The following SDHA variants were observed in gnomAD, a reference collection of about 807,000 sequenced individuals.
The protein encoded by SDHA is succinate dehydrogenase complex flavoprotein subunit A.
Under a neutral mutation model 78.4 loss-of-function variants are expected in SDHA, and 48 were observed. The ratio of observed to expected loss-of-function variants is 0.61; its 90% CI spans 0.49 to 0.78. The LOEUF (loss-of-function observed/expected upper bound fraction) is 0.78, where lower values mean the gene tolerates loss of function less well. Ranked by LOEUF, SDHA falls within the 30% of genes least tolerant of loss-of-function variation. The pLI, the probability that SDHA is intolerant of heterozygous loss-of-function variation, is 0.00. For missense variants in SDHA, 680 were observed against 892.7 expected, an observed-to-expected ratio of 0.76 and a Z score of 3.04; for synonymous variants, 326 against 353.9, an observed-to-expected ratio of 0.92 and a Z score of 0.88.
downstream of SDHA, among the ~76,000 whole-genome samples, chr5:257,357 C>T (rs1386016805): frequency 4.7e-5 from 7 of 148,756 alleles, no homozygotes; most frequent in South Asian, 4.3e-4. Flanking sequence ...CTGTGAACTC[C>T]GCCACCTGTC....
In SDHA at chr5:233,651, T is replaced by C. The variant is rs769785624; in HGVS notation, c.1064+6T>C. On this transcript the variant is annotated splice_donor_region_variant and intron_variant, in intron 8 of 14. Transcript: ENST00000264932. Reference sequence around the variant, plus strand: ...CTGGAGATCCGAGAAGGAAGGTGCGTGTGATTTACCACCAGCACTGTCTGA... The same window carrying C: ...CTGGAGATCCGAGAAGGAAGGTGCGCGTGATTTACCACCAGCACTGTCTGA... 1 of 1,613,812 alleles carries C rather than the reference T, an allele frequency of 6.2e-7. No homozygotes were observed. Among genetic ancestry groups the C allele is most frequent in the Non-Finnish European group, 8.5e-7 (1 of 1,179,748 alleles).
Position 226,090 on chromosome 5 carries a change from G to A in SDHA, c.621+43G>A, listed in dbSNP as rs1219044321. The A allele has an allele frequency of 3.7e-6, 6 of 1,608,642 alleles. No individual in the cohort carries two copies. The African/African-American group carries it at 8.0e-5, about 22-fold the overall frequency. On this transcript the variant is annotated intron_variant, in intron 5 of 14. Transcript: ENST00000264932. The stretch of plus-strand genomic sequence containing the variant: ...CACCTGAGACAGGACACGTAGTGCT[G>A]GGGCTTATGGTGACAGTGGGGAATG...
intron 11 of SDHA, among the ~76,000 whole-genome samples, chr5:243,803 G>A (rs1275634267): frequency 6.6e-6 from 1 of 152,212 alleles, no homozygotes; most frequent in African/African-American, 2.4e-5. Context: ...ATCAAGGCCT[G>A]TGATGGTATC....
chr5:239,391 T>TAGACTGGCCAACATGGTGAA (rs1314835892), intron 10 of SDHA, among the ~76,000 whole-genome samples: 3 of 152,012 alleles, frequency 2.0e-5, no homozygotes, highest in Non-Finnish European at 2.9e-5. Flanking sequence ...AACCCATTTC[T>TAGACTGGCCAACATGGTGAA]ACTGAAAATA....
chr5:227,909 G>A lies in SDHA; in HGVS notation c.622-276G>A. The A allele has an allele frequency of 4.6e-6, 2 of 439,008 alleles. 1 individual carries two copies. Among genetic ancestry groups the A allele is most frequent in the Non-Finnish European group, 8.5e-6 (2 of 235,136 alleles). 27.2% of individuals were successfully genotyped at this position (439,008 alleles called of 1,614,324 possible). A position where few individuals can be genotyped will look rare whatever the true frequency, so the allele number is the denominator to read the frequency against. ...GAGCTGCATGCGGCCACCGGACAGT[G>A]TGGAGTGCCTCTTCGGGTTGTGTAG... is the stretch of plus-strand genomic sequence containing the variant. On this transcript the variant is annotated intron_variant, in intron 5 of 14. Coordinates refer to ENST00000264932, the MANE Select transcript of SDHA (RefSeq NM_004168.4).
intron 11 of SDHA, among the ~76,000 whole-genome samples, chr5:242,664 T>C (rs979770508): frequency 2.5e-4 from 38 of 152,084 alleles, no homozygotes; most frequent in African/African-American, 9.2e-4. Context: ...ATGGCGCCCA[T>C]ATATGGGGGC....
In SDHA at chr5:229,975, G is replaced by A. The variant is rs577651229; in HGVS notation, c.771-901G>A. ...TGGTGGCTATCGTTAATATTATACA[G>A]CATGGTGGCTAGAGTTAACATTATA... On this transcript the variant is annotated intron_variant, in intron 6 of 14. Coordinates refer to ENST00000264932, the MANE Select transcript of SDHA (RefSeq NM_004168.4). Among the ~76,000 whole-genome samples, 95 of 151,958 alleles carry A rather than the reference G, an allele frequency of 6.3e-4. 1 individual carries two copies. Among genetic ancestry groups the A allele is most frequent in the South Asian group, 1.9e-3 (9 of 4,806 alleles).
chr5:232,745 C>T (rs1459879409), intron 7 of SDHA, among the ~76,000 whole-genome samples: 1 of 152,164 alleles, frequency 6.6e-6, no homozygotes, highest in Non-Finnish European at 1.5e-5. Flanking sequence ...AAAATTGTAG[C>T]TTTCGAAATA....
chr5:222,630 G>A (rs1430122162), intron 1 of SDHA, among the ~76,000 whole-genome samples: 3 of 152,042 alleles, frequency 2.0e-5, no homozygotes, highest in South Asian at 2.1e-4. Flanking sequence ...ATGAGCCACC[G>A]TGCCCAGCCC....
At chr5:255,163 A>ACAAGCACAGCGTCCTGGGAACAGC (rs1737106941) in intron 14 of SDHA, among the ~76,000 whole-genome samples, 1 of 151,756 alleles carries the variant, frequency 6.6e-6, no homozygotes, top group South Asian at 2.1e-4. Flanking sequence ...CTTGTTCCAC[A>ACAAGCACAGCGTCCTGGGAACAGC]CAAGCACAGT....
chr5:227,686 C>T (rs188009934), intron 5 of SDHA: 353 of 223,736 alleles, frequency 1.6e-3, no homozygotes, highest in African/African-American at 7.6e-3. Flanking sequence ...TCTGCGGTGC[C>T]GGAATCTGCT....
intron 13 of SDHA, among the ~76,000 whole-genome samples, chr5:252,609 A>G (rs1014143832): frequency 6.7e-6 from 1 of 148,216 alleles, no homozygotes; most frequent in South Asian, 2.2e-4. Context: ...CTGTGGAGGA[A>G]ATGCCAGTTT....
At chr5:258,853 C>T (rs1191469012), downstream of SDHA, among the ~76,000 whole-genome samples, 2 of 61,370 alleles carry the variant, frequency 3.3e-5, no homozygotes. Context: ...TTACTGTGAG[C>T]TCCTTCTCCT....
chr5:229,048 A>G, intron 6 of SDHA, among the ~76,000 whole-genome samples: 1 of 152,234 alleles, frequency 6.6e-6, no homozygotes, highest in Admixed American at 6.5e-5. Context: ...AGAAATGCAA[A>G]TTAAAACCCC....
chr5:266,199 G>C, the SDHA span, among the ~76,000 whole-genome samples: 1 of 152,242 alleles, frequency 6.6e-6, no homozygotes, highest in Non-Finnish European at 1.5e-5. Context: ...GCAACCTCAG[G>C]CAGCTTCATC....
chr5:219,516 A>G (rs1265251400), intron 1 of SDHA, among the ~76,000 whole-genome samples: 2 of 152,194 alleles, frequency 1.3e-5, no homozygotes, highest in Non-Finnish European at 2.9e-5. Context: ...TCCTTTTTGA[A>G]ATACTTATTA....
In SDHA at chr5:226,040, A is replaced by G; in HGVS notation, c.614A>G (p.Tyr205Cys). The G allele has an allele frequency of 1.9e-6, 3 of 1,614,176 alleles. No individual in the cohort carries two copies. The highest frequency in any genetic ancestry group is 2.5e-6 in the Non-Finnish European group (3 of 1,180,020). ...RTGHSLLHTL[Y>C]GRSLRYDTSY... is the part of the protein sequence containing the mutation. ...GGCCACTCGCTATTGCACACCTTAT[A>G]TGGAAGGGTAAGGCCGCCCCCGTCC... Residue 205 changes from tyrosine to cysteine, a missense_variant, in exon 5 of 15, where the codon TAT (tyrosine) becomes TGT (cysteine). Physicochemically the swap from Tyr to Cys is radical, Grantham distance 194. Transcript: ENST00000264932.
chr5:264,495 C>A, the SDHA span, among the ~76,000 whole-genome samples: 1 of 151,064 alleles, frequency 6.6e-6, no homozygotes, highest in East Asian at 1.9e-4. Context: ...CCAGCCCACG[C>A]TCCACAGGGT....
chr5:261,637 C>T (rs1260678935), downstream of SDHA, among the ~76,000 whole-genome samples: 2 of 89,230 alleles, frequency 2.2e-5, no homozygotes, highest in East Asian at 2.9e-4. Context: ...GTGTGAGCTC[C>T]GCCTCCCCAC....
Sources: allele counts gnomAD v4.1 joint callset (sites outside exome capture counted in the v4.1 genomes callset), GRCh38; gene constraint gnomAD v4.1.1; transcripts MANE v1.5; gene names NCBI Gene and HGNC (gene_info 2026-07-23, HGNC 2026-07-21).